AKAP19: variants seen among roughly 807,000 people sequenced by gnomAD.
AKAP19 encodes A-kinase anchoring protein 19.
chr2:190,017,291 G>C, the AKAP19 span, among the ~76,000 whole-genome samples: 1 of 152,002 alleles, frequency 6.6e-6, no homozygotes, highest in Non-Finnish European at 1.5e-5. Flanking sequence ...TCAATCATAA[G>C]TAATGGCATA....
At chr2:189,929,637 G>T in the AKAP19 span, among the ~76,000 whole-genome samples, 1 of 151,616 alleles carries the variant, frequency 6.6e-6, no homozygotes, top group Admixed American at 6.6e-5. Flanking sequence ...TGCATTTCCT[G>T]ACTGCAAACA....
the AKAP19 span, among the ~76,000 whole-genome samples, chr2:190,016,784 A>G: frequency 6.6e-6 from 1 of 152,196 alleles, no homozygotes; most frequent in Non-Finnish European, 1.5e-5. Context: ...AATGTTCTGT[A>G]TATGTCTGTT....
the AKAP19 span, among the ~76,000 whole-genome samples, chr2:190,122,885 C>T: frequency 6.6e-6 from 1 of 151,770 alleles, no homozygotes; most frequent in Non-Finnish European, 1.5e-5. Flanking sequence ...TCATAGCTCA[C>T]TGCAACCTTG....
chr2:189,886,183 G>T, the AKAP19 span, among the ~76,000 whole-genome samples: 1 of 152,260 alleles, frequency 6.6e-6, no homozygotes, highest in Non-Finnish European at 1.5e-5. Flanking sequence ...CAGTATTTTT[G>T]AGGCTTCTTT....
chr2:189,975,054 A>T, the AKAP19 span, among the ~76,000 whole-genome samples: 1 of 152,140 alleles, frequency 6.6e-6, no homozygotes, highest in African/African-American at 2.4e-5. Context: ...GCTCGTTAGT[A>T]GATGCAGTTT....
At chr2:190,185,981 T>TCA in the AKAP19 span, among the ~76,000 whole-genome samples, 2 of 152,146 alleles carry the variant, frequency 1.3e-5, no homozygotes, top group Non-Finnish European at 2.9e-5. Flanking sequence ...GACAGAGTCT[T>TCA]CACTCTGTCG....
the AKAP19 span, among the ~76,000 whole-genome samples, chr2:190,147,747 T>TTG: frequency 0.044 from 6,595 of 151,588 alleles, 226 homozygotes; most frequent in African/African-American, 0.091. Context: ...AGGTTTTTTT[T>TTG]TTGTTGTTGT....
chr2:189,984,841 T>G, the AKAP19 span, among the ~76,000 whole-genome samples: 9 of 151,388 alleles, frequency 5.9e-5, no homozygotes, highest in Admixed American at 5.9e-4. Flanking sequence ...CCTGCAACAT[T>G]TTGGGGGATC....
chr2:190,017,861 A>C, the AKAP19 span, among the ~76,000 whole-genome samples: 1 of 152,182 alleles, frequency 6.6e-6, no homozygotes, highest in East Asian at 1.9e-4. Context: ...GTACTCCATT[A>C]CCTTTTGTTT....
the AKAP19 span, among the ~76,000 whole-genome samples, chr2:190,059,908 C>A: frequency 6.6e-6 from 1 of 151,862 alleles, no homozygotes; most frequent in Non-Finnish European, 1.5e-5. Flanking sequence ...AAATTGGACA[C>A]CTACTTTTAT....
the AKAP19 span, among the ~76,000 whole-genome samples, chr2:189,998,651 C>A: frequency 6.6e-6 from 1 of 151,276 alleles, no homozygotes. Flanking sequence ...TTTGATCAGT[C>A]TAGATGAAGT....
the AKAP19 span, among the ~76,000 whole-genome samples, chr2:190,051,758 A>G: frequency 5.9e-5 from 9 of 152,190 alleles, no homozygotes; most frequent in Non-Finnish European, 1.3e-4. Flanking sequence ...TGGCGTATCT[A>G]CAGGCAAGGC....
chr2:190,077,244 T>A, the AKAP19 span, among the ~76,000 whole-genome samples: 7 of 151,630 alleles, frequency 4.6e-5, no homozygotes, highest in Non-Finnish European at 1.0e-4. Flanking sequence ...TTAATTGAGA[T>A]GAAGTCTCAC....
At chr2:190,010,784 T>A in the AKAP19 span, among the ~76,000 whole-genome samples, 42 of 152,136 alleles carry the variant, frequency 2.8e-4, no homozygotes, top group Admixed American at 2.5e-3. Flanking sequence ...ATTTCTGGAG[T>A]GCAAAGTAAT....
At chr2:190,197,966 C>G in the AKAP19 span, among the ~76,000 whole-genome samples, 2 of 152,172 alleles carry the variant, frequency 1.3e-5, no homozygotes, top group Non-Finnish European at 2.9e-5. The surrounding 1 kb of genome is among the most constrained non-coding windows in gnomAD (Gnocchi z 4.0). Context: ...CCATCCCTCA[C>G]AGTAAAAACT....
At chr2:189,937,964 T>C in the AKAP19 span, among the ~76,000 whole-genome samples, 11 of 152,196 alleles carry the variant, frequency 7.2e-5, no homozygotes, top group Non-Finnish European at 1.2e-4. Context: ...CATTCCCATG[T>C]TTGTTGCAGC....
chr2:190,096,347 A>G, the AKAP19 span, among the ~76,000 whole-genome samples: 3 of 152,240 alleles, frequency 2.0e-5, no homozygotes, highest in Admixed American at 6.5e-5. Context: ...TTATGTGTAT[A>G]GCACTAGAAT....
the AKAP19 span, among the ~76,000 whole-genome samples, chr2:189,981,590 A>T: frequency 6.6e-6 from 1 of 152,184 alleles, no homozygotes; most frequent in Non-Finnish European, 1.5e-5. Flanking sequence ...TAATTGCTAT[A>T]TGGGATCTGT....
chr2:190,175,023 T>C, the AKAP19 span, among the ~76,000 whole-genome samples: 1 of 152,178 alleles, frequency 6.6e-6, no homozygotes, highest in Non-Finnish European at 1.5e-5. Context: ...ATAGTTCCTA[T>C]CCTCAAGATG....
Sources: allele counts gnomAD v4.1 joint callset (sites outside exome capture counted in the v4.1 genomes callset), GRCh38; gene constraint gnomAD v4.1.1; non-coding constraint Gnocchi (gnomAD v3.1); transcripts MANE v1.5; gene names NCBI Gene and HGNC (gene_info 2026-07-23, HGNC 2026-07-21).